The following CSRNP3 variants were observed in gnomAD, a reference collection of about 807,000 sequenced individuals.
CSRNP3 encodes the protein cysteine/serine-rich nuclear protein 3.
In CSRNP3, 12 loss-of-function variants were observed where a neutral mutation model predicts 48.0. The ratio of observed to expected loss-of-function variants is 0.25; its 90% CI spans 0.16 to 0.41. The LOEUF is 0.41. Ranked by LOEUF, CSRNP3 falls within the 10% of genes least tolerant of loss-of-function variation. The pLI, the probability that CSRNP3 is intolerant of heterozygous loss-of-function variation, is 1.00. For missense variants in CSRNP3, 580 were observed against 724.4 expected, an observed-to-expected ratio of 0.80 and a Z score of 2.29; for synonymous variants, 263 against 269.7, an observed-to-expected ratio of 0.98 and a Z score of 0.24.
Position 165,533,354 on chromosome 2 carries a change from C to T in CSRNP3, c.-24+15393C>T, listed in dbSNP as rs6740989. 8.3e-3 allele frequency among the ~76,000 whole-genome samples: 1,265 copies of T among 152,166 alleles called. 14 individuals are homozygous for T. The highest frequency in any genetic ancestry group is 0.028 in the African/African-American group (1,168 of 41,520). ...AACTCACTTTCCTAATCGTTTTCAC[C>T]CTCCAATCTCAAATTGATGGAGGAG... is the stretch of plus-strand genomic sequence containing the variant. On this transcript the variant is annotated intron_variant, in intron 3 of 6. Coordinates refer to ENST00000651982, the MANE Select transcript of CSRNP3 (RefSeq NM_001172173.2).
intron 5 of CSRNP3, among the ~76,000 whole-genome samples, chr2:165,669,338 AG>A (rs1687290604): frequency 6.6e-6 from 1 of 152,278 alleles, no homozygotes; most frequent in East Asian, 1.9e-4. Flanking sequence ...CTATACTTTT[AG>A]TATTGTTTCT....
intron 4 of CSRNP3, among the ~76,000 whole-genome samples, chr2:165,625,293 A>T (rs569455226): frequency 6.6e-5 from 10 of 152,188 alleles, no homozygotes; most frequent in Non-Finnish European, 1.3e-4. Flanking sequence ...GTAAGGAGAC[A>T]GGTAACAAAT....
At chr2:165,534,556 G>A (rs140886576) in intron 3 of CSRNP3, among the ~76,000 whole-genome samples, 148 of 151,984 alleles carry the variant, frequency 9.7e-4, no homozygotes, top group African/African-American at 3.5e-3. Context: ...AATGTTCACT[G>A]ACACATTGGT....
At chr2:165,514,055 A>G (rs1684543267) in intron 2 of CSRNP3, among the ~76,000 whole-genome samples, 1 of 152,256 alleles carries the variant, frequency 6.6e-6, no homozygotes, top group African/African-American at 2.4e-5. Flanking sequence ...ATATTCAGAC[A>G]TCTGACCCTG....
intron 3 of CSRNP3, among the ~76,000 whole-genome samples, chr2:165,541,828 A>C (rs1053165208): frequency 1.1e-4 from 16 of 152,150 alleles, no homozygotes; most frequent in African/African-American, 3.9e-4. Context: ...GTGACTGCTC[A>C]TACTTGCTAA....
chr2:165,500,437 A>T (rs1294429593), intron 2 of CSRNP3, among the ~76,000 whole-genome samples: 2 of 133,898 alleles, frequency 1.5e-5, no homozygotes, highest in Non-Finnish European at 3.2e-5. Flanking sequence ...ACACACACAC[A>T]CACGTGTATA....
chr2:165,593,462 G>C (rs772559067), intron 3 of CSRNP3, among the ~76,000 whole-genome samples: 1 of 151,912 alleles, frequency 6.6e-6, no homozygotes, highest in Non-Finnish European at 1.5e-5. Flanking sequence ...CTGAGAATTT[G>C]CATTTCTAAC....
chr2:165,569,327 G>A (rs1183876986), intron 3 of CSRNP3, among the ~76,000 whole-genome samples: 1 of 152,066 alleles, frequency 6.6e-6, no homozygotes, highest in Non-Finnish European at 1.5e-5. Context: ...AGGTGATGGT[G>A]TTAGTAAATC....
Position 165,657,975 on chromosome 2 carries a change from G to C in CSRNP3, c.363G>C (p.Leu121Phe). ...AGGAGAGGCTCCACCGGGAGATGTT[G>C]AGAGAACACCTTAGGGAGGAAAAGC... ...REQERLHREMLREHLREEKLN... is the reference protein window; with the variant it reads ...REQERLHREMFREHLREEKLN... Residue 121 changes from leucine to phenylalanine, a missense_variant, in exon 5 of 7, where the codon TTG (leucine) becomes TTC (phenylalanine). By Grantham distance (22) the Leu-to-Phe change is conservative (BLOSUM62 0). Around this residue, in one of 4 missense-constraint regions of CSRNP3, gnomAD observed 62 missense variants for 66.4 expected, o/e 0.93. Transcript: ENST00000651982. The C allele has an allele frequency of 6.2e-7, 1 of 1,613,886 alleles. No individual in the cohort carries two copies. The highest frequency in any genetic ancestry group is 1.1e-5 in the South Asian group (1 of 91,060).
intron 4 of CSRNP3, among the ~76,000 whole-genome samples, chr2:165,621,546 A>T (rs964896511): frequency 2.0e-5 from 3 of 152,198 alleles, no homozygotes; most frequent in Non-Finnish European, 2.9e-5. Flanking sequence ...GTAGCACAGA[A>T]GCAGAATATT....
chr2:165,534,372 T>A (rs999879537), intron 3 of CSRNP3, among the ~76,000 whole-genome samples: 10 of 152,008 alleles, frequency 6.6e-5, no homozygotes, highest in South Asian at 4.1e-4. Flanking sequence ...TGAATGAGTT[T>A]AAAAAAACTG....
At chr2:165,608,934 C>CAAAAAAAAAAAAAA (rs33952227) in intron 4 of CSRNP3, among the ~76,000 whole-genome samples, 1 of 75,586 alleles carries the variant, frequency 1.3e-5, no homozygotes, top group African/African-American at 5.6e-5. Context: ...ACTAAAAATA[C>CAAAAAAAAAAAAAA]AAAAAAAAAA....
chr2:165,651,122 C>T (rs1177352110), intron 4 of CSRNP3, among the ~76,000 whole-genome samples: 4 of 152,166 alleles, frequency 2.6e-5, no homozygotes, highest in African/African-American at 9.7e-5. Context: ...TAGTCCAGAA[C>T]CTGGTCTTCA....
At chr2:165,574,195 T>C (rs1685412529) in intron 3 of CSRNP3, 1 of 508,654 alleles carries the variant, frequency 2.0e-6, no homozygotes, top group Non-Finnish European at 3.5e-6. Flanking sequence ...GCTGGAGGAC[T>C]GCCTGAGCCT....
chr2:165,560,654 C>G (rs1685222803), intron 3 of CSRNP3, among the ~76,000 whole-genome samples: 1 of 152,042 alleles, frequency 6.6e-6, no homozygotes, highest in Non-Finnish European at 1.5e-5. Flanking sequence ...CATTTGCTAC[C>G]AAATGGAGTT....
chr2:165,528,394 C>T (rs972207965), intron 3 of CSRNP3, among the ~76,000 whole-genome samples: 7 of 152,100 alleles, frequency 4.6e-5, no homozygotes, highest in Non-Finnish European at 1.0e-4. Flanking sequence ...AAAATAATTG[C>T]CCAGACCAGT....
chr2:165,507,445 T>C (rs1037987360), intron 2 of CSRNP3, among the ~76,000 whole-genome samples: 2 of 152,152 alleles, frequency 1.3e-5, no homozygotes, highest in Admixed American at 1.3e-4. Context: ...AGTTCTCTAA[T>C]TATATTTTTA....
At chr2:165,559,544 A>G (rs967817604) in intron 3 of CSRNP3, among the ~76,000 whole-genome samples, 1 of 152,162 alleles carries the variant, frequency 6.6e-6, no homozygotes, top group African/African-American at 2.4e-5. Context: ...AATAGACTTT[A>G]TAGAAGGAGT....
intron 3 of CSRNP3, among the ~76,000 whole-genome samples, chr2:165,520,784 TATATATATATATATATATATATATATA>T (rs1684645323): frequency 9.4e-4 from 3 of 3,204 alleles, no homozygotes; most frequent in East Asian, 0.02. Flanking sequence ...ATATATATAT[TATATATATATATATATATATATATATA>T]TATATATATA....
Sources: allele counts gnomAD v4.1 joint callset (sites outside exome capture counted in the v4.1 genomes callset), GRCh38; gene constraint gnomAD v4.1.1; regional missense constraint gnomAD v4.1.1; transcripts MANE v1.5; gene names NCBI Gene and HGNC (gene_info 2026-07-23, HGNC 2026-07-21).